ITGA9: variants seen among roughly 807,000 people sequenced by gnomAD.
ITGA9 encodes the protein integrin alpha-9.
A neutral mutation model predicts 127.8 loss-of-function variants in ITGA9; 56 were observed. That is an observed-to-expected ratio of 0.44 (90% CI 0.35 to 0.55). ITGA9 has a LOEUF of 0.55. ITGA9 is among the 20% of genes least tolerant of loss of function. The pLI, the probability that ITGA9 is intolerant of heterozygous loss-of-function variation, is 0.00. For missense variants in ITGA9, 1,196 were observed against 1,347.1 expected (o/e 0.89, Z 1.76); for synonymous variants, 508 against 514.5 (o/e 0.99, Z 0.17).
At chr3:37,541,633 T>C (rs1034703528) in intron 14 of ITGA9, among the ~76,000 whole-genome samples, 4 of 151,796 alleles carry the variant, frequency 2.6e-5, no homozygotes, top group Non-Finnish European at 5.9e-5. Context: ...GGTATGGGGG[T>C]GAGTTATTCT....
chr3:37,459,138 T>A (rs1458884710), intron 1 of ITGA9, among the ~76,000 whole-genome samples: 4 of 152,208 alleles, frequency 2.6e-5, no homozygotes, highest in African/African-American at 9.6e-5. Context: ...TTAGCAACAG[T>A]AGCAACAATA....
At chr3:37,618,838 C>T (rs1035361081) in intron 15 of ITGA9, among the ~76,000 whole-genome samples, 3 of 152,110 alleles carry the variant, frequency 2.0e-5, no homozygotes, top group East Asian at 1.9e-4. Flanking sequence ...AGGAGTGACC[C>T]GATTTTCCAG....
chr3:37,756,290 G>T (rs1017096626), intron 23 of ITGA9, among the ~76,000 whole-genome samples: 12 of 152,110 alleles, frequency 7.9e-5, no homozygotes, highest in Admixed American at 5.9e-4. Context: ...GAGTGTTAAA[G>T]ATTTAGTCCA....
intron 23 of ITGA9, among the ~76,000 whole-genome samples, chr3:37,770,885 A>G (rs1349107304): frequency 1.3e-5 from 2 of 152,154 alleles, no homozygotes. Flanking sequence ...CCCAGTCACC[A>G]CCATTTCATG....
chr3:37,795,820 C>T (rs1348939716), intron 26 of ITGA9, among the ~76,000 whole-genome samples: 1 of 152,188 alleles, frequency 6.6e-6, no homozygotes, highest in Non-Finnish European at 1.5e-5. Flanking sequence ...GTGGATCTAA[C>T]CTGGGGAAAC....
At chr3:37,751,873 G>A (rs1696590164) in intron 23 of ITGA9, among the ~76,000 whole-genome samples, 1 of 152,174 alleles carries the variant, frequency 6.6e-6, no homozygotes, top group Admixed American at 6.5e-5. Flanking sequence ...GCCCTAGGAT[G>A]GCCAAGTCTC....
At chr3:37,620,226 C>T (rs933889288) in intron 15 of ITGA9, among the ~76,000 whole-genome samples, 7 of 152,196 alleles carry the variant, frequency 4.6e-5, no homozygotes, top group Admixed American at 1.3e-4. Flanking sequence ...TTGCAGGCTT[C>T]GCTGGAGGAG....
At chr3:37,801,594 C>CCACT (rs1697235660) in intron 26 of ITGA9, among the ~76,000 whole-genome samples, 1 of 152,240 alleles carries the variant, frequency 6.6e-6, no homozygotes, top group African/African-American at 2.4e-5. Flanking sequence ...TGAGATTGCA[C>CCACT]CACTGCACTC....
intron 26 of ITGA9, among the ~76,000 whole-genome samples, chr3:37,797,612 G>A (rs766283630): frequency 4.6e-5 from 7 of 152,176 alleles, no homozygotes; most frequent in Non-Finnish European, 8.8e-5. Context: ...ATAGTAAAAC[G>A]TAGAAAAGAG....
At position 37,611,082 on chromosome 3, in the gene ITGA9, G is replaced by A. The variant is rs57690199; in HGVS notation, c.1690-18105G>A. 7.1e-3 allele frequency among the ~76,000 whole-genome samples: 1,077 copies of A among 152,300 alleles called. 18 individuals carry two copies. The highest frequency in any genetic ancestry group is 0.025 in the African/African-American group (1,033 of 41,568). Reference sequence around the variant, plus strand: ...AATATTTAATAAAATGTTTATACATGTATATTGACTGTAGGTGTAGGGTTA... The same window carrying A: ...AATATTTAATAAAATGTTTATACATATATATTGACTGTAGGTGTAGGGTTA... On this transcript the variant is annotated intron_variant, in intron 15 of 27. Coordinates refer to ENST00000264741, the MANE Select transcript of ITGA9 (RefSeq NM_002207.3).
intron 25 of ITGA9, among the ~76,000 whole-genome samples, chr3:37,783,733 G>A (rs1470023922): frequency 6.6e-6 from 1 of 152,124 alleles, no homozygotes; most frequent in Non-Finnish European, 1.5e-5. Context: ...AAGATTATTT[G>A]TTGCTTAAAA....
intron 1 of ITGA9, among the ~76,000 whole-genome samples, chr3:37,458,273 C>T (rs1028959706): frequency 6.6e-6 from 1 of 152,198 alleles, no homozygotes; most frequent in African/African-American, 2.4e-5. Context: ...GATCAATGCA[C>T]ATTCACTGGG....
At chr3:37,473,278 T>G (rs986545585) in intron 2 of ITGA9, 76 bp from the exon 3 acceptor site, 1 of 1,081,470 alleles carries the variant, frequency 9.2e-7, no homozygotes, top group African/African-American at 1.5e-5. Context: ...CTCATAGGGC[T>G]GTGGACCACC....
intron 15 of ITGA9, among the ~76,000 whole-genome samples, chr3:37,614,375 G>A (rs1425549593): frequency 6.6e-5 from 10 of 152,204 alleles, no homozygotes; most frequent in Non-Finnish European, 8.8e-5. Context: ...TAGCCTTGTA[G>A]TATAGTTTGA....
chr3:37,574,718 A>G (rs1399693459), intron 15 of ITGA9, among the ~76,000 whole-genome samples: 1 of 152,152 alleles, frequency 6.6e-6, no homozygotes, highest in Non-Finnish European at 1.5e-5. Context: ...TGACTGTGCA[A>G]ACCACTTAAG....
intron 15 of ITGA9, among the ~76,000 whole-genome samples, chr3:37,549,700 A>G (rs1386628335): frequency 1.3e-5 from 2 of 152,220 alleles, no homozygotes; most frequent in Non-Finnish European, 2.9e-5. Flanking sequence ...TATTCATTAT[A>G]AGCATGATTC....
In ITGA9 at chr3:37,705,076, G is replaced by A. The variant is rs75221794; in HGVS notation, c.2067+21061G>A. Among the ~76,000 whole-genome samples the A allele has an allele frequency of 4.2e-4, 64 of 152,298 alleles. 2 individuals are homozygous for A. The South Asian group carries it at 0.013, about 31-fold the overall frequency. ...GTACCAAACTTACAAATGGGAAAGT[G>A]GATGCTTAGAATGGCATGAATGTTG... On this transcript the variant is annotated intron_variant, in intron 18 of 27. Coordinates refer to ENST00000264741, the MANE Select transcript of ITGA9 (RefSeq NM_002207.3).
chr3:37,779,249 C>T (rs775162989), intron 24 of ITGA9, among the ~76,000 whole-genome samples: 8 of 152,196 alleles, frequency 5.3e-5, no homozygotes, highest in East Asian at 3.9e-4. Flanking sequence ...GGACTACAGG[C>T]GGCCACCACT....
intron 17 of ITGA9, among the ~76,000 whole-genome samples, chr3:37,660,630 G>A (rs527256949): frequency 6.6e-6 from 1 of 152,204 alleles, no homozygotes; most frequent in South Asian, 2.1e-4. Flanking sequence ...CTAGTGTGGT[G>A]GCCAGGACCC....
Sources: gnomAD v4.1 joint callset for allele counts (sites outside exome capture counted in the v4.1 genomes callset) on GRCh38, gnomAD v4.1.1 for gene constraint, MANE v1.5 for transcripts, NCBI Gene and HGNC (gene_info 2026-07-23, HGNC 2026-07-21) for gene names.